SYCP2: variants seen among roughly 807,000 people sequenced by gnomAD.
SYCP2 encodes synaptonemal complex lateral element protein.
In SYCP2, 55 loss-of-function variants were observed where a neutral mutation model predicts 211.3. The observed-to-expected ratio is 0.26, with a 90% confidence interval of 0.21 to 0.33. SYCP2 has a LOEUF of 0.33. Ranked by LOEUF, SYCP2 falls within the 10% of genes least tolerant of loss-of-function variation. The pLI is 1.00. For missense variants in SYCP2, 1,731 were observed against 1,752.0 expected (o/e 0.99, Z 0.21); for synonymous variants, 570 against 555.2 (o/e 1.03, Z -0.37).
Position 59,865,464 on chromosome 20 carries a change from T to C in SYCP2, c.4459-20A>G, listed in dbSNP as rs201354616. ...ACACATCTGTAAAAAAGTAAATATATTTCACCCATGAAATTTACCATAAAG... is the reference window on the plus strand; with the variant it reads ...ACACATCTGTAAAAAAGTAAATATACTTCACCCATGAAATTTACCATAAAG... On this transcript the variant is annotated intron_variant, in intron 43 of 44. Transcript: ENST00000357552. 5 of 1,601,424 alleles carry C rather than the reference T, an allele frequency of 3.1e-6. No homozygotes were observed. In the African/African-American group the frequency reaches 6.7e-5, roughly 22 times the overall value.
intron 2 of SYCP2, among the ~76,000 whole-genome samples, chr20:59,931,179 G>A (rs2060733640): frequency 6.6e-6 from 1 of 152,182 alleles, no homozygotes. Context: ...TAGCACTGTG[G>A]GAGGCCCAGG....
chr20:59,905,551 G>A (rs1352945956), intron 15 of SYCP2, among the ~76,000 whole-genome samples: 2 of 152,042 alleles, frequency 1.3e-5, no homozygotes, highest in East Asian at 3.9e-4. Context: ...ATAAACTCTA[G>A]AAAATGTAAA....
chr20:59,874,311 A>G (rs183922599), intron 34 of SYCP2, among the ~76,000 whole-genome samples: 1 of 152,260 alleles, frequency 6.6e-6, no homozygotes, highest in Non-Finnish European at 1.5e-5. Flanking sequence ...TCCAACAAAA[A>G]TATCTACAGT....
intron 14 of SYCP2, among the ~76,000 whole-genome samples, chr20:59,910,302 A>G (rs2060291492): frequency 6.6e-6 from 1 of 151,918 alleles, no homozygotes; most frequent in Non-Finnish European, 1.5e-5. Flanking sequence ...TCTGGAACAC[A>G]CTAGGCATTA....
In SYCP2 at chr20:59,882,019, C is replaced by G; in HGVS notation, c.2601-17G>C. On this transcript the variant is annotated splice_polypyrimidine_tract_variant and intron_variant, in intron 27 of 44. Coordinates refer to ENST00000357552, the MANE Select transcript of SYCP2 (RefSeq NM_014258.4). ...ACATCATTCCTGTGAAAATGAAGAG[C>G]AATATTAGCTCCACTTAAATATGTG... is the stretch of plus-strand genomic sequence containing the variant. 6.2e-7 allele frequency: 1 copy of G among 1,610,970 alleles called. No homozygotes were observed. Among genetic ancestry groups the G allele is most frequent in the Non-Finnish European group, 8.5e-7 (1 of 1,177,790 alleles).
chr20:59,930,147 C>A (rs935500308), intron 2 of SYCP2, among the ~76,000 whole-genome samples: 1 of 152,152 alleles, frequency 6.6e-6, no homozygotes, highest in Non-Finnish European at 1.5e-5. Context: ...ATTATTCATT[C>A]TCATAACTCT....
chr20:59,880,483 A>T lies in SYCP2; in HGVS notation c.2773-12T>A, dbSNP rs2059654975. ...TGATTTGTTATAATCTATAAAAAAA[A>T]GTTTGAAATGCATGAAGAAATACTA... On this transcript the variant is annotated splice_polypyrimidine_tract_variant and intron_variant, in intron 30 of 44. Coordinates refer to ENST00000357552, the MANE Select transcript of SYCP2 (RefSeq NM_014258.4). 2 of 1,497,646 alleles carry T rather than the reference A, an allele frequency of 1.3e-6. No individual in the cohort carries two copies. The highest frequency in any genetic ancestry group is 1.8e-6 in the Non-Finnish European group (2 of 1,108,510). 92.8% of individuals were successfully genotyped at this position (1,497,646 alleles called of 1,614,324 possible).
intron 8 of SYCP2, among the ~76,000 whole-genome samples, chr20:59,916,032 A>G (rs906179398): frequency 3.3e-5 from 5 of 152,070 alleles, no homozygotes; most frequent in Non-Finnish European, 7.4e-5. Context: ...TGAATATAAA[A>G]ACAACATAAA....
At position 59,877,500 on chromosome 20, in the gene SYCP2, A is replaced by T. The variant is rs1318044095; in HGVS notation, c.3035T>A (p.Ile1012Asn). 2 of 1,605,042 alleles carry T rather than the reference A, an allele frequency of 1.2e-6. No individual in the cohort carries two copies. The highest frequency in any genetic ancestry group is 1.4e-5 in the African/African-American group (1 of 74,002). ...TTTGGTTGCTTTTCGTGGAAGTCTGATTCTTCCTTCCGGAATTGTCTTGTC... is the reference window on the plus strand; with the variant it reads ...TTTGGTTGCTTTTCGTGGAAGTCTGTTTCTTCCTTCCGGAATTGTCTTGTC... ...KMDKTIPEGR[I>N]RLPRKATKTK... The change falls in exon 33 of 45, where the codon ATC becomes AAC. Residue 1012 changes from isoleucine (I) to asparagine (N), a missense_variant. By Grantham distance (149) the Ile-to-Asn change is moderately radical. Coordinates refer to ENST00000357552, the MANE Select transcript of SYCP2 (RefSeq NM_014258.4).
At chr20:59,906,591 A>T (rs938422585) in intron 15 of SYCP2, among the ~76,000 whole-genome samples, 2 of 152,152 alleles carry the variant, frequency 1.3e-5, no homozygotes, top group African/African-American at 4.8e-5. Flanking sequence ...AAACTATAAA[A>T]TTTTTGTGGA....
chr20:59,931,935 T>A (rs2060752738), intron 2 of SYCP2, 127 bp downstream of exon 2: 1 of 152,158 alleles, frequency 6.6e-6, no homozygotes, highest in African/African-American at 2.4e-5. Flanking sequence ...ACAAAAGTTA[T>A]ACACTTATTT....
chr20:59,867,561 G>C lies in SYCP2; in HGVS notation c.4125+150C>G, dbSNP rs1043324742. 7 of 563,500 alleles carry C rather than the reference G, an allele frequency of 1.2e-5. No homozygotes were observed. In the African/African-American group the frequency reaches 1.4e-4, roughly 11 times the overall value. 34.9% of individuals were successfully genotyped at this position (563,500 alleles called of 1,614,324 possible). Reference sequence around the variant, plus strand: ...AAAGAAAGAATACGGGTAATATACAGATTTTATTCCAATTATTCACATATA... The same window carrying C: ...AAAGAAAGAATACGGGTAATATACACATTTTATTCCAATTATTCACATATA... On this transcript the variant is annotated intron_variant, in intron 39 of 44. Transcript: ENST00000357552.
chr20:59,881,327 A>C lies in SYCP2; in HGVS notation c.2714+110T>G. 5 of 652,278 alleles carry C rather than the reference A, an allele frequency of 7.7e-6. No individual in the cohort carries two copies. The South Asian group carries it at 9.7e-5, about 13-fold the overall frequency. The allele number at this position is 652,278 out of a possible 1,614,324, so 40.4% of individuals were successfully genotyped here. ...CAGAATCATAATGAGAGTAATAATGACTAGCATTTTTATTCACTCTTCTCA... is the reference window on the plus strand; with the variant it reads ...CAGAATCATAATGAGAGTAATAATGCCTAGCATTTTTATTCACTCTTCTCA... On this transcript the variant is annotated intron_variant, in intron 29 of 44. Transcript: ENST00000357552.
chr20:59,899,019 C>T (rs1167394197), intron 18 of SYCP2, among the ~76,000 whole-genome samples: 1 of 152,084 alleles, frequency 6.6e-6, no homozygotes, highest in Non-Finnish European at 1.5e-5. Context: ...AATCACAAAA[C>T]TTTTGGAGTA....
intron 3 of SYCP2, among the ~76,000 whole-genome samples, chr20:59,921,704 A>T (rs115757781): frequency 0.019 from 2,840 of 151,612 alleles, 72 homozygotes; most frequent in African/African-American, 0.064. Flanking sequence ...TTTATTACTA[A>T]GGTCATCTTT....
At chr20:59,885,629 A>G (rs190245048) in intron 26 of SYCP2, among the ~76,000 whole-genome samples, 83 of 152,046 alleles carry the variant, frequency 5.5e-4, no homozygotes, top group African/African-American at 1.9e-3. Flanking sequence ...GGGATTGGCT[A>G]TTAAAAAAAT....
rs184850954 is a variant in SYCP2, at chr20:59,868,606, T to G, written c.3833-38A>C. The G allele has an allele frequency of 2.0e-5, 31 of 1,538,102 alleles. No individual in the cohort carries two copies. The Admixed American group carries it at 7.2e-4, about 36-fold the overall frequency. The stretch of plus-strand genomic sequence containing the variant: ...TAAAGAAAGTTAAAAGCGCTGCAAT[T>G]TTCATTAAAAATACCTCATATTTTC... On this transcript the variant is annotated intron_variant, in intron 37 of 44. Transcript: ENST00000357552.
At chr20:59,867,663 ATAT>A (rs764138455) in intron 39 of SYCP2, 45 bp downstream of exon 39, 6 of 1,502,208 alleles carry the variant, frequency 4.0e-6, no homozygotes, top group South Asian at 3.5e-5. Context: ...AAAGTGTGGC[ATAT>A]TATTATATTA....
At chr20:59,868,621 CTCA>C in intron 37 of SYCP2, 53 bp from the exon 38 acceptor site, 1 of 1,506,388 alleles carries the variant, frequency 6.6e-7, no homozygotes, top group South Asian at 1.3e-5. Flanking sequence ...TTAAAAATAC[CTCA>C]TATTTTCTTG....
Sources: gnomAD v4.1 joint callset for allele counts (sites outside exome capture counted in the v4.1 genomes callset) on GRCh38, gnomAD v4.1.1 for gene constraint, MANE v1.5 for transcripts, NCBI Gene and HGNC (gene_info 2026-07-23, HGNC 2026-07-21) for gene names.